Variants in WWOX observed in about 807,000 individuals in gnomAD.
WWOX encodes WW domain-containing oxidoreductase.
A neutral mutation model predicts 46.2 loss-of-function variants in WWOX; 69 were observed. The observed-to-expected ratio is 1.49, with a 90% CI of 1.23 to 1.82. The LOEUF is 1.82. WWOX is among the 40% of genes most tolerant of loss of function. The pLI, the probability that WWOX is intolerant of heterozygous loss-of-function variation, is 0.00. For missense variants in WWOX, 919 were observed against 542.6 expected (o/e 1.69, Z -6.89); for synonymous variants, 359 against 202.6 (o/e 1.77, Z -6.56).
At chr16:78,832,543 C>G (rs551407710) in intron 8 of WWOX, among the ~76,000 whole-genome samples, 2 of 152,302 alleles carry the variant, frequency 1.3e-5, no homozygotes, top group African/African-American at 4.8e-5. Flanking sequence ...ACTCCACACA[C>G]CCTGACTCTC....
intron 4 of WWOX, among the ~76,000 whole-genome samples, chr16:78,146,429 C>G (rs1567597610): frequency 6.6e-6 from 1 of 152,094 alleles, no homozygotes; most frequent in African/African-American, 2.4e-5. Flanking sequence ...GGGAATGAAA[C>G]AAAAATTTAT....
At chr16:78,529,129 A>AT (rs1193669209) in intron 8 of WWOX, among the ~76,000 whole-genome samples, 2 of 149,890 alleles carry the variant, frequency 1.3e-5, no homozygotes, top group Non-Finnish European at 3.0e-5. Flanking sequence ...AAGTTTGTTC[A>AT]TTTTTTGTAG....
At chr16:78,797,716 G>A (rs1280826812) in intron 8 of WWOX, among the ~76,000 whole-genome samples, 4 of 152,206 alleles carry the variant, frequency 2.6e-5, no homozygotes, top group East Asian at 1.9e-4. Context: ...GGCCAGGTGC[G>A]TTAGGTCATG....
At chr16:78,367,871 C>G (rs371274647) in intron 5 of WWOX, among the ~76,000 whole-genome samples, 3 of 152,202 alleles carry the variant, frequency 2.0e-5, no homozygotes, top group Admixed American at 1.3e-4. Flanking sequence ...ATTCTTCTGT[C>G]TCAGCCTCCT....
intron 8 of WWOX, among the ~76,000 whole-genome samples, chr16:78,934,667 C>G (rs942446212): frequency 6.6e-6 from 1 of 152,148 alleles, no homozygotes; most frequent in Non-Finnish European, 1.5e-5. Context: ...GGAGGATCTT[C>G]AGGATCTTCA....
At chr16:78,367,267 C>G (rs898511284) in intron 5 of WWOX, among the ~76,000 whole-genome samples, 30 of 152,142 alleles carry the variant, frequency 2.0e-4, no homozygotes, top group African/African-American at 7.2e-4. Flanking sequence ...GCGTGAGCCA[C>G]CGCACCCAGC....
At chr16:78,902,944 C>T (rs971385428) in intron 8 of WWOX, among the ~76,000 whole-genome samples, 2 of 152,158 alleles carry the variant, frequency 1.3e-5, no homozygotes, top group Admixed American at 6.5e-5. Flanking sequence ...GCGGCTGAGT[C>T]GAGGATCCAC....
chr16:78,776,594 T>C (rs772704191), intron 8 of WWOX, among the ~76,000 whole-genome samples: 1 of 152,176 alleles, frequency 6.6e-6, no homozygotes, highest in Non-Finnish European at 1.5e-5. Context: ...GGAGTGAGGA[T>C]GGATGTTTAG....
intron 8 of WWOX, among the ~76,000 whole-genome samples, chr16:79,098,386 T>G (rs563143685): frequency 6.6e-6 from 1 of 152,326 alleles, no homozygotes; most frequent in African/African-American, 2.4e-5. Context: ...CATTTCTGCT[T>G]CTTAACCAGC....
At chr16:78,855,513 C>T (rs1031747773) in intron 8 of WWOX, among the ~76,000 whole-genome samples, 2 of 152,140 alleles carry the variant, frequency 1.3e-5, no homozygotes, top group Admixed American at 1.3e-4. Context: ...GAATGAAGAT[C>T]GATTCCAATT....
intron 8 of WWOX, among the ~76,000 whole-genome samples, chr16:79,180,731 C>G (rs1264406353): frequency 2.0e-5 from 3 of 152,148 alleles, no homozygotes; most frequent in Non-Finnish European, 2.9e-5. Flanking sequence ...CCCTGTCTAT[C>G]TGTCTGTGTA....
intron 8 of WWOX, among the ~76,000 whole-genome samples, chr16:78,624,614 A>C (rs930143249): frequency 6.6e-6 from 1 of 152,174 alleles, no homozygotes; most frequent in Non-Finnish European, 1.5e-5. Flanking sequence ...AAATTCAGAA[A>C]ATCACTCATT....
intron 8 of WWOX, among the ~76,000 whole-genome samples, chr16:78,588,322 T>C (rs1373388583): frequency 8.5e-5 from 13 of 152,206 alleles, no homozygotes; most frequent in Admixed American, 7.9e-4. Flanking sequence ...AATCTGGCTA[T>C]TGCATTTAAT....
chr16:79,103,241 G>C (rs2049238891), intron 8 of WWOX, among the ~76,000 whole-genome samples: 1 of 152,178 alleles, frequency 6.6e-6, no homozygotes, highest in South Asian at 2.1e-4. Context: ...TGGACTCCGT[G>C]TTTGAAAGGT....
intron 8 of WWOX, among the ~76,000 whole-genome samples, chr16:78,681,530 A>T (rs2047728880): frequency 6.8e-6 from 1 of 147,568 alleles, no homozygotes; most frequent in Non-Finnish European, 1.5e-5. Context: ...GTGCCACCCA[A>T]GATTTCCTCC....
chr16:78,138,071 G>A (rs1354541411), intron 4 of WWOX, among the ~76,000 whole-genome samples: 1 of 150,610 alleles, frequency 6.6e-6, no homozygotes, highest in East Asian at 1.9e-4. Context: ...AAGTTGTCTA[G>A]CAGACTGTTC....
chr16:78,964,792 C>T (rs2046334935), intron 8 of WWOX, among the ~76,000 whole-genome samples: 1 of 152,200 alleles, frequency 6.6e-6, no homozygotes, highest in African/African-American at 2.4e-5. Context: ...ATTTCATGGG[C>T]CCAGCCCTGG....
At chr16:78,204,228 T>C (rs548018200) in intron 5 of WWOX, among the ~76,000 whole-genome samples, 2 of 152,356 alleles carry the variant, frequency 1.3e-5, no homozygotes, top group Non-Finnish European at 2.9e-5. Flanking sequence ...AGCCTTTTTT[T>C]GTTCTTTTAA....
intron 8 of WWOX, among the ~76,000 whole-genome samples, chr16:78,962,462 A>G (rs1482933826): frequency 6.6e-6 from 1 of 152,068 alleles, no homozygotes. Context: ...CTCAGGGATG[A>G]CAGTCATTTT....
Sources: allele counts gnomAD v4.1 joint callset (sites outside exome capture counted in the v4.1 genomes callset), GRCh38; gene constraint gnomAD v4.1.1; transcripts MANE v1.5; gene names NCBI Gene and HGNC (gene_info 2026-07-23, HGNC 2026-07-21).